The following SYNDIG1 variants were observed in gnomAD, a reference collection of about 807,000 sequenced individuals.
SYNDIG1 encodes the protein synapse differentiation-inducing gene protein 1.
Under a neutral mutation model 19.4 loss-of-function variants are expected in SYNDIG1, and 9 were observed. That is an observed-to-expected ratio of 0.46 (90% CI 0.28 to 0.81). The LOEUF is 0.81. Ranked by LOEUF, SYNDIG1 falls within the 30% of genes least tolerant of loss-of-function variation. The pLI is 0.12. For missense variants in SYNDIG1, 311 were observed against 343.3 expected, an observed-to-expected ratio of 0.91 and a Z score of 0.74; for synonymous variants, 141 against 145.9, an observed-to-expected ratio of 0.97 and a Z score of 0.24.
chr20:24,550,965 G>C lies in SYNDIG1; in HGVS notation c.480+7388G>C, dbSNP rs77116772. Among the ~76,000 whole-genome samples the C allele has an allele frequency of 6.6e-5, 10 of 152,286 alleles. No individual in the cohort carries two copies. The East Asian group carries it at 1.9e-3, about 29-fold the overall frequency. ...TATTCATGAGGGATGTTGATCTGCAGTTTTCTCTTCTTGTGCCATCTTTTC... is the reference window on the plus strand; with the variant it reads ...TATTCATGAGGGATGTTGATCTGCACTTTTCTCTTCTTGTGCCATCTTTTC... On this transcript the variant is annotated intron_variant, in intron 2 of 3. Coordinates refer to ENST00000376862, the MANE Select transcript of SYNDIG1 (RefSeq NM_024893.3).
chr20:24,591,686 C>T (rs2058514271), intron 3 of SYNDIG1, among the ~76,000 whole-genome samples: 2 of 152,248 alleles, frequency 1.3e-5, no homozygotes, highest in African/African-American at 2.4e-5. Flanking sequence ...CCAAGCACCT[C>T]GCACATAGTT....
rs1318225482 is a variant in SYNDIG1 at position 24,658,160 on chromosome 20, A to G, written c.619-7186A>G. On this transcript the variant is annotated intron_variant, in intron 3 of 3. Transcript: ENST00000376862. This position sits in a 1 kb window ranked among gnomAD's most constrained non-coding sequence, Gnocchi z 4.4. ...CGTCATGATTTTTCCAAAACCTCAAACGACAGTGGGTATTTTCCAGCCAAA... is the reference window on the plus strand; with the variant it reads ...CGTCATGATTTTTCCAAAACCTCAAGCGACAGTGGGTATTTTCCAGCCAAA... 6.6e-6 allele frequency among the ~76,000 whole-genome samples: 1 copy of G among 152,160 alleles called. No individual in the cohort carries two copies. The highest frequency in any genetic ancestry group is 2.4e-5 in the African/African-American group (1 of 41,446).
intron 2 of SYNDIG1, among the ~76,000 whole-genome samples, chr20:24,546,228 T>C (rs2057573539): frequency 6.6e-6 from 1 of 152,244 alleles, no homozygotes; most frequent in Non-Finnish European, 1.5e-5. Flanking sequence ...TACTAATGAC[T>C]GGTTAGAAGT....
intron 1 of SYNDIG1, among the ~76,000 whole-genome samples, chr20:24,522,662 C>T (rs940781631): frequency 1.3e-5 from 2 of 152,012 alleles, no homozygotes; most frequent in Non-Finnish European, 2.9e-5. Flanking sequence ...TGTATTAGTC[C>T]GTTTTGTGTT....
intron 1 of SYNDIG1, among the ~76,000 whole-genome samples, chr20:24,504,265 C>A (rs1222365105): frequency 2.6e-4 from 40 of 152,200 alleles, no homozygotes; most frequent in Admixed American, 2.6e-3. Flanking sequence ...GCCAGGAGAG[C>A]AGTTTTATGC....
intron 2 of SYNDIG1, among the ~76,000 whole-genome samples, chr20:24,558,314 C>T (rs1448553587): frequency 6.6e-6 from 1 of 152,182 alleles, no homozygotes; most frequent in Non-Finnish European, 1.5e-5. Context: ...CTCTTTGTGT[C>T]TAATAATATT....
At chr20:24,614,838 T>C (rs2058905001) in intron 3 of SYNDIG1, among the ~76,000 whole-genome samples, 1 of 152,238 alleles carries the variant, frequency 6.6e-6, no homozygotes, top group Middle Eastern at 3.2e-3. Flanking sequence ...TATGCATAAA[T>C]TAATGTAATT....
intron 1 of SYNDIG1, among the ~76,000 whole-genome samples, chr20:24,471,671 T>A (rs781110868): frequency 6.6e-6 from 1 of 151,440 alleles, no homozygotes; most frequent in Non-Finnish European, 1.5e-5. Flanking sequence ...TATGGAAAAT[T>A]TCAGTTGTAC....
At chr20:24,493,441 A>T (rs756204057) in intron 1 of SYNDIG1, among the ~76,000 whole-genome samples, 1 of 152,118 alleles carries the variant, frequency 6.6e-6, no homozygotes, top group Non-Finnish European at 1.5e-5. Context: ...GCACACATAC[A>T]TGGGCATACA....
At chr20:24,490,163 C>T (rs149434423) in intron 1 of SYNDIG1, among the ~76,000 whole-genome samples, 47 of 152,314 alleles carry the variant, frequency 3.1e-4, no homozygotes, top group Non-Finnish European at 5.7e-4. Context: ...GAAGGCCCAG[C>T]GGAGTGCCTC....
intron 1 of SYNDIG1, among the ~76,000 whole-genome samples, chr20:24,531,372 T>C (rs2057255815): frequency 6.6e-6 from 1 of 152,144 alleles, no homozygotes; most frequent in Admixed American, 6.5e-5. Context: ...AGTAGGTATG[T>C]TTAAGAAAGG....
intron 3 of SYNDIG1, among the ~76,000 whole-genome samples, chr20:24,657,768 G>A (rs1381074134): frequency 6.6e-6 from 1 of 152,070 alleles, no homozygotes; most frequent in Non-Finnish European, 1.5e-5. Flanking sequence ...CCTCTTTGTC[G>A]AGTACAGCTC....
chr20:24,566,512 G>A (rs2058044921), intron 2 of SYNDIG1, among the ~76,000 whole-genome samples: 1 of 152,222 alleles, frequency 6.6e-6, no homozygotes, highest in Non-Finnish European at 1.5e-5. Context: ...CTAAGGCGCT[G>A]GTGTACACCG....
At chr20:24,646,917 G>A (rs567805823) in intron 3 of SYNDIG1, among the ~76,000 whole-genome samples, 79 of 152,136 alleles carry the variant, frequency 5.2e-4, no homozygotes, top group Non-Finnish European at 7.8e-4. Context: ...CACCAAGCCC[G>A]GCTGATGCTC....
intron 3 of SYNDIG1, among the ~76,000 whole-genome samples, chr20:24,590,480 CGG>C (rs1220916671): frequency 6.6e-6 from 1 of 151,952 alleles, no homozygotes; most frequent in Non-Finnish European, 1.5e-5. Context: ...GAGAACAGGG[CGG>C]AGGGGGAGGC....
chr20:24,473,158 G>A (rs1020835387), intron 1 of SYNDIG1, among the ~76,000 whole-genome samples: 12 of 152,196 alleles, frequency 7.9e-5, no homozygotes, highest in African/African-American at 2.9e-4. Flanking sequence ...AAGGACTGAA[G>A]TATGTGGGGT....
At chr20:24,627,927 A>C (rs149155165) in intron 3 of SYNDIG1, among the ~76,000 whole-genome samples, 189 of 152,370 alleles carry the variant, frequency 1.2e-3, no homozygotes, top group African/African-American at 4.4e-3. Context: ...CGTAGTGATG[A>C]AAACTTGAAG....
chr20:24,514,849 T>C (rs1041751787), intron 1 of SYNDIG1, among the ~76,000 whole-genome samples: 4 of 152,186 alleles, frequency 2.6e-5, no homozygotes, highest in African/African-American at 7.2e-5. Context: ...ACCGCACTTA[T>C]TCCAAAATTG....
chr20:24,623,453 T>G (rs1421450479), intron 3 of SYNDIG1, among the ~76,000 whole-genome samples: 1 of 151,986 alleles, frequency 6.6e-6, no homozygotes, highest in African/African-American at 2.4e-5. Context: ...TGGATCTACA[T>G]AAAGAAAAAA....
Sources: allele counts gnomAD v4.1 joint callset (sites outside exome capture counted in the v4.1 genomes callset), GRCh38; gene constraint gnomAD v4.1.1; non-coding constraint Gnocchi (gnomAD v3.1); transcripts MANE v1.5; gene names NCBI Gene and HGNC (gene_info 2026-07-23, HGNC 2026-07-21).